The following AGBL4 variants were observed in gnomAD, a reference collection of about 807,000 sequenced individuals.
AGBL4 encodes the protein cytosolic carboxypeptidase 6.
Under a neutral mutation model 66.4 loss-of-function variants are expected in AGBL4, and 58 were observed. The observed-to-expected ratio is 0.87, with a 90% CI of 0.71 to 1.09. The LOEUF is 1.09. Ranked by LOEUF, AGBL4 falls within the 50% of genes least tolerant of loss-of-function variation. The probability of loss-of-function intolerance (pLI) is 0.00; values close to 1 mark genes in which losing one functional copy is unlikely to be tolerated. For missense variants in AGBL4, 579 were observed against 631.0 expected (o/e 0.92, Z 0.88); for synonymous variants, 234 against 222.9 (o/e 1.05, Z -0.44).
intron 1 of AGBL4, among the ~76,000 whole-genome samples, chr1:49,942,220 G>C (rs557249600): frequency 3.4e-4 from 52 of 152,050 alleles, no homozygotes; most frequent in Non-Finnish European, 6.2e-4. Flanking sequence ...ACCTCATGTC[G>C]ATAGACCGGG....
At chr1:48,620,147 T>A (rs1361119160) in intron 9 of AGBL4, among the ~76,000 whole-genome samples, 1 of 152,164 alleles carries the variant, frequency 6.6e-6, no homozygotes, top group Non-Finnish European at 1.5e-5. Flanking sequence ...CTGGGCTGAT[T>A]GTAACCCAAT....
At chr1:49,554,870 G>A (rs1466072261) in intron 3 of AGBL4, among the ~76,000 whole-genome samples, 6 of 152,012 alleles carry the variant, frequency 3.9e-5, no homozygotes, top group Non-Finnish European at 4.4e-5. Context: ...TAAAGGCGGC[G>A]CGTCTGGAGT....
intron 5 of AGBL4, among the ~76,000 whole-genome samples, chr1:48,976,852 TGC>T: frequency 6.6e-6 from 1 of 151,878 alleles, no homozygotes; most frequent in East Asian, 1.9e-4. Flanking sequence ...CACCTAAAGT[TGC>T]AACACTCTTT....
intron 4 of AGBL4, among the ~76,000 whole-genome samples, chr1:49,122,134 GA>G (rs913881279): frequency 6.6e-5 from 10 of 152,210 alleles, no homozygotes; most frequent in Non-Finnish European, 1.5e-5. Flanking sequence ...CCTTGGCTAG[GA>G]AAGGGAAATC....
chr1:49,679,443 TATA>T (rs1341796524), intron 3 of AGBL4, among the ~76,000 whole-genome samples: 2 of 152,112 alleles, frequency 1.3e-5, no homozygotes, highest in Non-Finnish European at 2.9e-5. Context: ...AATCTATCTA[TATA>T]ATAACATTTG....
chr1:49,802,506 CTG>C (rs1644886252), intron 2 of AGBL4, among the ~76,000 whole-genome samples: 2 of 152,298 alleles, frequency 1.3e-5, no homozygotes, highest in African/African-American at 2.4e-5. Flanking sequence ...TTTTTAGTCT[CTG>C]TTAGAAATTA....
chr1:48,885,178 TA>T (rs983210110), intron 5 of AGBL4, among the ~76,000 whole-genome samples: 6 of 152,178 alleles, frequency 3.9e-5, no homozygotes, highest in African/African-American at 1.4e-4. Flanking sequence ...TATATATTTT[TA>T]AATGATTCAA....
intron 3 of AGBL4, among the ~76,000 whole-genome samples, chr1:49,251,803 A>G (rs1652091482): frequency 6.6e-6 from 1 of 152,176 alleles, no homozygotes. Flanking sequence ...ACAGTCCAGG[A>G]GTTGGGAGCT....
intron 3 of AGBL4, among the ~76,000 whole-genome samples, chr1:49,648,320 G>T (rs151323251): frequency 7.4e-4 from 111 of 149,704 alleles, no homozygotes; most frequent in African/African-American, 2.7e-3. Context: ...GAAAAGCAAA[G>T]GAAAAAATGA....
intron 11 of AGBL4, among the ~76,000 whole-genome samples, chr1:48,553,746 T>C (rs1425295387): frequency 6.6e-6 from 1 of 152,190 alleles, no homozygotes; most frequent in Non-Finnish European, 1.5e-5. Context: ...CTGCTCTAGG[T>C]CTGTGGATAG....
At chr1:49,945,146 G>A (rs944772770) in intron 1 of AGBL4, among the ~76,000 whole-genome samples, 3 of 152,100 alleles carry the variant, frequency 2.0e-5, no homozygotes, top group African/African-American at 4.8e-5. Flanking sequence ...ATATTTGGGG[G>A]AATAATTGAG....
At chr1:49,588,792 A>G (rs1440436826) in intron 3 of AGBL4, among the ~76,000 whole-genome samples, 1 of 152,186 alleles carries the variant, frequency 6.6e-6, no homozygotes, top group Non-Finnish European at 1.5e-5. Flanking sequence ...CTCCTAAATG[A>G]GTGATATCAT....
intron 6 of AGBL4, among the ~76,000 whole-genome samples, chr1:48,846,479 C>A (rs1404480847): frequency 6.6e-6 from 1 of 152,146 alleles, no homozygotes; most frequent in East Asian, 1.9e-4. Flanking sequence ...GTACCTCCTG[C>A]CTGCTTCACA....
At chr1:49,829,078 A>AAAAG (rs978051723) in intron 2 of AGBL4, among the ~76,000 whole-genome samples, 4 of 152,044 alleles carry the variant, frequency 2.6e-5, no homozygotes, top group Admixed American at 6.6e-5. Flanking sequence ...CAAAAAAAAA[A>AAAAG]AAAGAAAGAA....
At chr1:49,915,160 A>G (rs1651274969) in intron 1 of AGBL4, among the ~76,000 whole-genome samples, 1 of 152,200 alleles carries the variant, frequency 6.6e-6, no homozygotes, top group Admixed American at 6.5e-5. Context: ...AGCGTGAGCA[A>G]CGCAGAAGAC....
chr1:49,322,959 C>T (rs951846438), intron 3 of AGBL4, among the ~76,000 whole-genome samples: 3 of 152,236 alleles, frequency 2.0e-5, no homozygotes, highest in Admixed American at 2.0e-4. Flanking sequence ...TGTAATATTT[C>T]TTATATTGTC....
intron 5 of AGBL4, among the ~76,000 whole-genome samples, chr1:49,011,088 C>T (rs1176971421): frequency 7.5e-3 from 858 of 114,032 alleles, no homozygotes; most frequent in South Asian, 0.011. Context: ...TCAGAGTGAA[C>T]AGGCAACCTA....
chr1:48,992,393 T>C (rs1367463883), intron 5 of AGBL4, among the ~76,000 whole-genome samples: 3 of 152,134 alleles, frequency 2.0e-5, no homozygotes, highest in Non-Finnish European at 2.9e-5. Context: ...CAAATATCCC[T>C]GTGGCCACCA....
chr1:49,241,894 G>A (rs1420121943), intron 4 of AGBL4, among the ~76,000 whole-genome samples: 1 of 151,942 alleles, frequency 6.6e-6, no homozygotes, highest in Non-Finnish European at 1.5e-5. Context: ...TTTTTACAGT[G>A]AGAAAACAGG....
Sources: allele counts gnomAD v4.1 joint callset (sites outside exome capture counted in the v4.1 genomes callset), GRCh38; gene constraint gnomAD v4.1.1; transcripts MANE v1.5; gene names NCBI Gene and HGNC (gene_info 2026-07-23, HGNC 2026-07-21).